Variants in MAPT observed in about 807,000 individuals in gnomAD.
MAPT encodes the protein microtubule associated protein tau.
A neutral mutation model predicts 67.9 loss-of-function variants in MAPT; 34 were observed. The ratio of observed to expected loss-of-function variants is 0.50; its 90% confidence interval spans 0.38 to 0.67. MAPT has a LOEUF of 0.67. Ranked by LOEUF, MAPT falls within the 30% of genes least tolerant of loss-of-function variation. The probability of loss-of-function intolerance (pLI) is 0.00; values close to 1 mark genes in which losing one functional copy is unlikely to be tolerated. For synonymous variants in MAPT, 456 were observed against 464.5 expected (o/e 0.98, Z 0.23); for missense variants, 881 against 1,115.2 (o/e 0.79, Z 2.99).
intron 10 of MAPT, among the ~76,000 whole-genome samples, chr17:46,011,738 G>A (rs891283814): frequency 3.9e-5 from 6 of 152,186 alleles, no homozygotes; most frequent in Non-Finnish European, 8.8e-5. Flanking sequence ...CTGTGGCTCC[G>A]GGGTGGGCTG....
intron 1 of MAPT, among the ~76,000 whole-genome samples, chr17:45,913,671 G>A (rs989966138): frequency 6.6e-6 from 1 of 152,176 alleles, no homozygotes; most frequent in Non-Finnish European, 1.5e-5. Context: ...AGCTTTCAAG[G>A]GAAGTAGATA....
At chr17:46,003,553 A>T (rs775334647) in intron 9 of MAPT, among the ~76,000 whole-genome samples, 20 of 152,342 alleles carry the variant, frequency 1.3e-4, no homozygotes, top group Admixed American at 3.9e-4. Flanking sequence ...TGCTGGGATT[A>T]CAGGTGTGAG....
In MAPT at chr17:45,965,477, G is replaced by T. The variant is rs972745366; in HGVS notation, c.133+3007G>T. ...GTCGCCCAGGCTGGAGTGTAGTGGCGCCATCTCGGCTCACCGCAACCTGCG... is the reference window on the plus strand; with the variant it reads ...GTCGCCCAGGCTGGAGTGTAGTGGCTCCATCTCGGCTCACCGCAACCTGCG... On this transcript the variant is annotated intron_variant, in intron 2 of 12. Transcript: ENST00000262410. 2.6e-5 allele frequency among the ~76,000 whole-genome samples: 4 copies of T among 151,372 alleles called. No individual in the cohort carries two copies. In the East Asian group the frequency reaches 6.0e-4, roughly 23 times the overall value.
At position 46,010,953 on chromosome 17, in the gene MAPT, G is replaced by GGAGCCGATTCCT. The variant is rs1158382288; in HGVS notation, c.2091+552_2091+563dup. ...CTGCTGCTCCTACACGTTCAAGGCA[G>GGAGCCGATTCCT]GAGCCGATTCCTAAGCCTCCAGCTT... On this transcript the variant is annotated intron_variant, in intron 10 of 12. Coordinates refer to ENST00000262410, the MANE Select transcript of MAPT (RefSeq NM_001377265.1). This position sits in a 1 kb window ranked among gnomAD's most constrained non-coding sequence, Gnocchi z 4.7. 1.3e-5 allele frequency among the ~76,000 whole-genome samples: 2 copies of GGAGCCGATTCCT among 152,246 alleles called. No individual in the cohort carries two copies. Among genetic ancestry groups the GGAGCCGATTCCT allele is most frequent in the African/African-American group, 4.8e-5 (2 of 41,466 alleles).
chr17:45,952,831 C>T (rs566054744), intron 1 of MAPT, among the ~76,000 whole-genome samples: 16 of 152,246 alleles, frequency 1.1e-4, no homozygotes, highest in Non-Finnish European at 1.3e-4. Context: ...TCTTCCATAC[C>T]CTAGACCTGC....
At chr17:45,976,110 G>A (rs1217161164) in intron 3 of MAPT, 1 of 152,230 alleles carries the variant, frequency 6.6e-6, no homozygotes, top group African/African-American at 2.4e-5. Context: ...ATGATCTGAG[G>A]CTCCCATGCA....
intron 12 of MAPT, among the ~76,000 whole-genome samples, chr17:46,020,690 A>T (rs2076477085): frequency 6.6e-6 from 1 of 151,350 alleles, no homozygotes; most frequent in Non-Finnish European, 1.5e-5. Flanking sequence ...GTGCAGGGGA[A>T]CTCCCCTTTA....
chr17:45,956,693 C>T (rs1207725594), intron 1 of MAPT, among the ~76,000 whole-genome samples: 1 of 151,330 alleles, frequency 6.6e-6, no homozygotes, highest in African/African-American at 2.4e-5. Context: ...GTGTGCTGCA[C>T]CCATTAATTC....
intron 3 of MAPT, chr17:45,975,977 C>G (rs2072297212): frequency 6.6e-6 from 1 of 152,256 alleles, no homozygotes; most frequent in Non-Finnish European, 1.5e-5. Flanking sequence ...AGCTATCCTC[C>G]CCTGAAGAGC....
At chr17:45,948,416 C>T (rs1215525985) in intron 1 of MAPT, among the ~76,000 whole-genome samples, 2 of 152,150 alleles carry the variant, frequency 1.3e-5, no homozygotes, top group Non-Finnish European at 2.9e-5. Flanking sequence ...GGATGCCTGC[C>T]CTAACATTTA....
In MAPT at chr17:45,903,857, A is replaced by ATATATT. The variant is rs1365235713; in HGVS notation, c.-18+9176_-18+9177insTTATAT. Among the ~76,000 whole-genome samples, 5 of 37,304 alleles carry ATATATT rather than the reference A, an allele frequency of 1.3e-4. No individual in the cohort carries two copies. In the East Asian group the frequency reaches 2.1e-3, roughly 16 times the overall value. The allele number at this position is 37,304 out of a possible 152,430, so 24.5% of individuals were successfully genotyped here. A position where few individuals can be genotyped will look rare whatever the true frequency, so the allele number is the denominator to read the frequency against. The stretch of plus-strand genomic sequence containing the variant: ...TTATATATTTTATATATTATATATT[A>ATATATT]TATATATTATATATTATATATTTAT... On this transcript the variant is annotated intron_variant, in intron 1 of 12. Transcript: ENST00000262410.
intron 9 of MAPT, among the ~76,000 whole-genome samples, chr17:45,997,650 C>T (rs1404970621): frequency 3.3e-5 from 5 of 152,160 alleles, no homozygotes; most frequent in African/African-American, 4.8e-5. Context: ...ATCCCAGCTA[C>T]TCAGGAGGCT....
chr17:45,937,517 A>G (rs1232251076), intron 1 of MAPT, among the ~76,000 whole-genome samples: 2 of 151,540 alleles, frequency 1.3e-5, no homozygotes, highest in African/African-American at 4.9e-5. Flanking sequence ...CTTGAGCCCA[A>G]GAGTTTGAGG....
intron 7 of MAPT, among the ~76,000 whole-genome samples, chr17:45,990,679 T>C (rs1005965410): frequency 1.3e-5 from 2 of 152,184 alleles, no homozygotes; most frequent in African/African-American, 4.8e-5. Flanking sequence ...AGAGAAATGC[T>C]TCCAGATTGC....
intron 1 of MAPT, among the ~76,000 whole-genome samples, chr17:45,921,697 G>A (rs1443135697): frequency 6.6e-6 from 1 of 152,192 alleles, no homozygotes; most frequent in Non-Finnish European, 1.5e-5. Context: ...AAGTGATGGT[G>A]ACTAAATTAG....
chr17:45,955,104 C>G (rs55821155), intron 1 of MAPT, among the ~76,000 whole-genome samples: 21,822 of 152,250 alleles, frequency 0.14, 2,140 homozygotes, highest in Non-Finnish European at 0.22. Context: ...AACGCAGTCA[C>G]GGGGAAGAGA....
In MAPT at chr17:46,025,520, C is replaced by T. The variant is rs2076769902; in HGVS notation, c.*1349C>T. On this transcript the variant is annotated 3_prime_UTR_variant, in exon 13 of 13. Transcript: ENST00000262410. Reference sequence around the variant, plus strand: ...GCACAAGAGTGGGACCCCAGCCTCTCACTCTCAGTTCCACTCATCCAACTG... The same window carrying T: ...GCACAAGAGTGGGACCCCAGCCTCTTACTCTCAGTTCCACTCATCCAACTG... 1 of 152,770 alleles carries T rather than the reference C, an allele frequency of 6.5e-6. No homozygotes were observed. The highest frequency in any genetic ancestry group is 2.4e-5 in the African/African-American group (1 of 41,456). The allele number at this position is 152,770 out of a possible 1,614,324, so 9.5% of individuals were successfully genotyped here.
chr17:45,915,790 T>C lies in MAPT; in HGVS notation c.-18+21104T>C, dbSNP rs1251893458. ...CAGACTAGCCCATGAGCCACCCTGT[T>C]CCCTGCATTTCCAATGAGACCTCGG... is the stretch of plus-strand genomic sequence containing the variant. On this transcript the variant is annotated intron_variant, in intron 1 of 12. Transcript: ENST00000262410. This position sits in a 1 kb window ranked among gnomAD's most constrained non-coding sequence, Gnocchi z 4.4. 1.3e-5 allele frequency among the ~76,000 whole-genome samples: 2 copies of C among 152,134 alleles called. No homozygotes were observed. The highest frequency in any genetic ancestry group is 4.8e-5 in the African/African-American group (2 of 41,406).
intron 12 of MAPT, among the ~76,000 whole-genome samples, chr17:46,021,970 T>G (rs1218693787): frequency 6.6e-6 from 1 of 152,236 alleles, no homozygotes; most frequent in East Asian, 1.9e-4. Flanking sequence ...TGGGGATTTT[T>G]GGACATTCCC....
Sources: gnomAD v4.1 joint callset for allele counts (sites outside exome capture counted in the v4.1 genomes callset) on GRCh38, gnomAD v4.1.1 for gene constraint, Gnocchi (gnomAD v3.1) non-coding constraint, MANE v1.5 for transcripts, NCBI Gene and HGNC (gene_info 2026-07-23, HGNC 2026-07-21) for gene names.